The following DLG5 variants were observed in gnomAD, a reference collection of about 807,000 sequenced individuals.
DLG5 encodes the protein discs large MAGUK scaffold protein 5, also known as disks large homolog 5.
A neutral mutation model predicts 189.8 loss-of-function variants in DLG5; 48 were observed. The observed-to-expected ratio is 0.25, with a 90% CI of 0.20 to 0.32. The LOEUF (loss-of-function observed/expected upper bound fraction) is 0.32. Among genes scored for constraint, DLG5 ranks in the 10% least tolerant of loss-of-function variants. The pLI is 1.00. For missense variants in DLG5, 2,160 were observed against 2,544.7 expected, an observed-to-expected ratio of 0.85 and a Z score of 3.25; for synonymous variants, 1,016 against 1,054.1, an observed-to-expected ratio of 0.96 and a Z score of 0.70.
Position 77,853,407 on chromosome 10 carries a change from G to A in DLG5, c.811C>T (p.Leu271Phe). ...ATCTCCTTCTGGTCCTCCTCGTGGA[G>A]CCGCTTCATGTCCTCCCATGACTGC... The part of the protein sequence containing the change: ...LQQSWEDMKR[L>F]HEEDQKEIGD... Residue 271 changes from leucine (L) to phenylalanine (F), a missense_variant, in exon 5 of 32, where the codon CTC becomes TTC. Transcript: ENST00000372391. The A allele has an allele frequency of 6.2e-7, 1 of 1,605,996 alleles. No homozygotes were observed. The highest frequency in any genetic ancestry group is 8.5e-7 in the Non-Finnish European group (1 of 1,176,062).
chr10:77,839,860 C>T (rs1295256740), intron 7 of DLG5, among the ~76,000 whole-genome samples: 1 of 152,160 alleles, frequency 6.6e-6, no homozygotes, highest in Admixed American at 6.5e-5. Context: ...CTGGAGAAGT[C>T]TTGGTGGTTC....
intron 20 of DLG5, among the ~76,000 whole-genome samples, chr10:77,813,227 T>C (rs1841872047): frequency 6.6e-6 from 1 of 152,202 alleles, no homozygotes. Flanking sequence ...ACCTGAGATT[T>C]TCCTCGCAGG....
intron 1 of DLG5, among the ~76,000 whole-genome samples, chr10:77,883,361 T>C (rs1428942388): frequency 4.0e-5 from 6 of 151,868 alleles, no homozygotes; most frequent in African/African-American, 1.2e-4. Flanking sequence ...AGGCAGAGGA[T>C]TAAAGGAGGA....
At chr10:77,809,512 T>C in intron 24 of DLG5, 35 bp downstream of exon 24, 1 of 1,585,020 alleles carries the variant, frequency 6.3e-7, no homozygotes, top group East Asian at 2.2e-5. Context: ...TGCAGGTAGA[T>C]GGAGGCCTGG....
chr10:77,871,213 G>A (rs1213018018), intron 1 of DLG5, among the ~76,000 whole-genome samples: 2 of 152,078 alleles, frequency 1.3e-5, no homozygotes, highest in African/African-American at 2.4e-5. Context: ...CAGGAGCAGC[G>A]GGTGGATGCT....
intron 1 of DLG5, among the ~76,000 whole-genome samples, chr10:77,902,381 T>C (rs1199669818): frequency 1.3e-5 from 2 of 152,112 alleles, no homozygotes; most frequent in African/African-American, 2.4e-5. Context: ...TCCACACCCT[T>C]TGACCCAACA....
intron 7 of DLG5, among the ~76,000 whole-genome samples, chr10:77,837,983 T>C (rs1234171815): frequency 1.3e-5 from 2 of 152,156 alleles, no homozygotes; most frequent in Admixed American, 1.3e-4. Flanking sequence ...GGCCCGAGTG[T>C]GGAGTGGTGC....
chr10:77,837,649 G>A (rs970105886), intron 7 of DLG5, among the ~76,000 whole-genome samples: 11 of 152,312 alleles, frequency 7.2e-5, no homozygotes, highest in South Asian at 2.1e-4. Context: ...CCCAAGTGAC[G>A]GACTGACTGA....
At chr10:77,915,285 C>T (rs1846327387) in intron 1 of DLG5, among the ~76,000 whole-genome samples, 1 of 151,570 alleles carries the variant, frequency 6.6e-6, no homozygotes, top group Non-Finnish European at 1.5e-5. Context: ...CAAGATTGCA[C>T]CACTGCACTC....
Position 77,908,639 on chromosome 10 carries a change from T to C in DLG5, c.304+17578A>G, listed in dbSNP as rs1846133776. On this transcript the variant is annotated intron_variant, in intron 1 of 31. Transcript: ENST00000372391. ...GTGCTCTCCCCTCGCCAGGTCTACC[T>C]CCCTCCTTCCAGCCGCCTGCCTATG... Among the ~76,000 whole-genome samples, 3 of 152,084 alleles carry C rather than the reference T, an allele frequency of 2.0e-5. No individual in the cohort carries two copies. In the South Asian group the frequency reaches 6.2e-4, roughly 31 times the overall value.
chr10:77,842,337 A>G (rs1010060926), intron 6 of DLG5, 144 bp from the exon 7 acceptor site: 101 of 1,046,608 alleles, frequency 9.7e-5, no homozygotes, highest in Non-Finnish European at 1.2e-4. Flanking sequence ...CACCCCCAGG[A>G]GAGAAAAGTC....
In DLG5 at chr10:77,856,758, C is replaced by A. The variant is rs1165359508; in HGVS notation, c.508G>T (p.Ala170Ser). 1.9e-6 allele frequency: 3 copies of A among 1,613,540 alleles called. No homozygotes were observed. The highest frequency in any genetic ancestry group is 2.5e-6 in the Non-Finnish European group (3 of 1,179,962). Residue 170 changes from alanine to serine, a missense_variant, in exon 3 of 32, where the codon GCT becomes TCT. Transcript: ENST00000372391. ...RNELRKRLAF[A>S]THGTAFDKRP... is the part of the protein sequence containing the mutation. ...TTGTCAAAGGCCGTGCCATGCGTAG[C>A]AAAGGCCAGGCGCTTGCGGAGCTCG...
Position 77,806,851 on chromosome 10 carries a change from G to T in DLG5, c.4874C>A (p.Thr1625Asn). 6.2e-7 allele frequency: 1 copy of T among 1,614,130 alleles called. No individual in the cohort carries two copies. Among genetic ancestry groups the T allele is most frequent in the Non-Finnish European group, 8.5e-7 (1 of 1,180,004 alleles). Residue 1625 changes from threonine (T) to asparagine (N), a missense_variant, in exon 26 of 32, where the codon ACC becomes AAC. Physicochemically the swap from Thr to Asn is moderately conservative, Grantham distance 65 (BLOSUM62 0). Coordinates refer to ENST00000372391, the MANE Select transcript of DLG5 (RefSeq NM_004747.4). The part of the protein sequence containing the change: ...KKDDILYVDD[T>N]LPQGTFGSWM... ...GGACCCGAACGTGCCCTGGGGTAAG[G>T]TGTCATCCACGTAGAGGATGTCGTC...
At chr10:77,925,596 G>A (rs1340982083) in intron 1 of DLG5, among the ~76,000 whole-genome samples, 1 of 152,180 alleles carries the variant, frequency 6.6e-6, no homozygotes, top group Non-Finnish European at 1.5e-5. Context: ...AGCCCCAGCA[G>A]CCACTACTAG....
At position 77,791,882 on chromosome 10, in the gene DLG5, C is replaced by T. The variant is rs2165047; in HGVS notation, c.*558G>A. ...GCAGTCTGAGCACCTGGAGTTGTGA[C>T]GTCCTTCCAGGAGAGGTGCCACCAA... On this transcript the variant is annotated 3_prime_UTR_variant, in exon 32 of 32. Coordinates refer to ENST00000372391, the MANE Select transcript of DLG5 (RefSeq NM_004747.4). The T allele has an allele frequency of 0.26, 40,537 of 154,080 alleles. 5,855 individuals are homozygous for T. Among genetic ancestry groups the T allele is most frequent in the Admixed American group, 0.39 (6,044 of 15,324 alleles). 9.5% of individuals were successfully genotyped at this position (154,080 alleles called of 1,614,324 possible).
At chr10:77,844,574 TGTCTA>T (rs1269995329) in intron 5 of DLG5, among the ~76,000 whole-genome samples, 2 of 152,210 alleles carry the variant, frequency 1.3e-5, no homozygotes, top group African/African-American at 4.8e-5. Flanking sequence ...GTACCTAATA[TGTCTA>T]GCACTGGTCT....
chr10:77,794,435 G>A (rs2579149), intron 30 of DLG5, among the ~76,000 whole-genome samples: 40,002 of 152,196 alleles, frequency 0.26, 5,769 homozygotes, highest in Admixed American at 0.39. Context: ...AACCAGCACA[G>A]GAGCCGAAGC....
intron 27 of DLG5, among the ~76,000 whole-genome samples, chr10:77,802,188 G>T (rs183315476): frequency 3.3e-5 from 5 of 152,294 alleles, no homozygotes; most frequent in Middle Eastern, 3.4e-3. Flanking sequence ...CCAGAACTGT[G>T]GGAGGATAAA....
At chr10:77,923,480 C>T (rs1200502776) in intron 1 of DLG5, among the ~76,000 whole-genome samples, 2 of 152,310 alleles carry the variant, frequency 1.3e-5, no homozygotes, top group Admixed American at 6.5e-5. Flanking sequence ...TCCCCTGCGC[C>T]GGGGCAGTGG....
Sources: gnomAD v4.1 joint callset for allele counts (sites outside exome capture counted in the v4.1 genomes callset) on GRCh38, gnomAD v4.1.1 for gene constraint, MANE v1.5 for transcripts, NCBI Gene and HGNC (gene_info 2026-07-23, HGNC 2026-07-21) for gene names.